FXR1: variants seen among roughly 807,000 people sequenced by gnomAD.
The protein encoded by FXR1 is FMR1 autosomal homolog 1.
In FXR1, 15 loss-of-function variants were observed where a neutral mutation model predicts 84.0. That is an observed-to-expected ratio of 0.18 (90% CI 0.12 to 0.27). FXR1 has a LOEUF of 0.27. Ranked by LOEUF, FXR1 falls within the 10% of genes least tolerant of loss-of-function variation. The probability of loss-of-function intolerance (pLI) is 1.00; values close to 1 mark genes in which losing one functional copy is unlikely to be tolerated. For missense variants in FXR1, 480 were observed against 774.4 expected, an observed-to-expected ratio of 0.62 and a Z score of 4.51; for synonymous variants, 245 against 250.7, an observed-to-expected ratio of 0.98 and a Z score of 0.21.
chr3:180,964,797 T>G (rs1407828597), intron 13 of FXR1, among the ~76,000 whole-genome samples: 2 of 151,318 alleles, frequency 1.3e-5, no homozygotes, highest in African/African-American at 4.9e-5. Context: ...ATTGGACATC[T>G]TACAACTTTA....
chr3:180,957,381 A>G (rs1711507621), intron 9 of FXR1: 1 of 152,568 alleles, frequency 6.6e-6, no homozygotes, highest in Non-Finnish European at 1.5e-5. Flanking sequence ...TCTTGGACCC[A>G]TAGAAACTTG....
chr3:180,972,326 C>T (rs919729511), intron 15 of FXR1, among the ~76,000 whole-genome samples: 3 of 152,032 alleles, frequency 2.0e-5, no homozygotes, highest in Non-Finnish European at 4.4e-5. Context: ...TGTGGTAGTG[C>T]GCACCTGTAG....
At chr3:180,915,554 A>G in intron 1 of FXR1, 3 of 1,346,332 alleles carry the variant, frequency 2.2e-6, no homozygotes, top group Non-Finnish European at 2.1e-6. Context: ...AGCAAAAACT[A>G]GAAGTTGCCT....
chr3:180,970,463 A>T, intron 15 of FXR1, 105 bp downstream of exon 15: 1 of 232,536 alleles, frequency 4.3e-6, no homozygotes, highest in Non-Finnish European at 7.8e-6. Context: ...TTTTCAAAGA[A>T]ATATGCAATT....
At chr3:180,915,026 A>G (rs891415352) in intron 1 of FXR1, 62 of 577,798 alleles carry the variant, frequency 1.1e-4, no homozygotes, top group East Asian at 2.8e-4. Flanking sequence ...TTATCTAACA[A>G]TGGACCCCTG....
chr3:180,941,634 G>A (rs912859808), intron 3 of FXR1, among the ~76,000 whole-genome samples: 4 of 152,138 alleles, frequency 2.6e-5, no homozygotes, highest in African/African-American at 4.8e-5. Flanking sequence ...CAAGACCATT[G>A]TTAGTCTTAC....
At chr3:180,924,843 A>AC (rs1441401998) in intron 1 of FXR1, among the ~76,000 whole-genome samples, 1 of 152,182 alleles carries the variant, frequency 6.6e-6, no homozygotes, top group African/African-American at 2.4e-5. Flanking sequence ...GAGGCACTGT[A>AC]CCATGAAGAA....
rs139008118 is a variant in FXR1 at position 180,948,463 on chromosome 3, C to T, written c.387C>T (p.Cys129=). 3.5e-5 allele frequency: 57 copies of T among 1,607,714 alleles called. No homozygotes were observed. The African/African-American group carries it at 5.5e-4, about 15-fold the overall frequency. The part of the protein sequence containing the change: ...KTVKKNTFFK[C]TVDVPEDLRE... The stretch of plus-strand genomic sequence containing the variant: ...TCAAAAAAAATACCTTCTTTAAATG[C>T]ACAGTGGATGTTCCTGAGGATTTGA... The change falls in exon 5 of 17, where the codon TGC becomes TGT. Residue 129 remains cysteine (C), a synonymous_variant. Transcript: ENST00000357559.
intron 1 of FXR1, among the ~76,000 whole-genome samples, chr3:180,925,128 T>C (rs1023194919): frequency 2.0e-5 from 3 of 152,102 alleles, no homozygotes; most frequent in East Asian, 3.9e-4. Context: ...CTTTGGGGGC[T>C]GAGGTGGGTG....
intron 1 of FXR1, among the ~76,000 whole-genome samples, chr3:180,918,276 A>G (rs1718143254): frequency 6.6e-6 from 1 of 152,030 alleles, no homozygotes; most frequent in Non-Finnish European, 1.5e-5. Flanking sequence ...TTTTCCCAAG[A>G]ACTCTGTGAG....
chr3:180,926,506 A>ATATATATATATTTTTTTTTTTTTT (rs72192827), intron 1 of FXR1, among the ~76,000 whole-genome samples: 14 of 124,358 alleles, frequency 1.1e-4, no homozygotes, highest in African/African-American at 4.1e-4. Context: ...ATATATATAT[A>ATATATATATATTTTTTTTTTTTTT]TTTTTTTTTC....
At chr3:180,941,221 T>C (rs1299900200) in intron 3 of FXR1, among the ~76,000 whole-genome samples, 3 of 151,938 alleles carry the variant, frequency 2.0e-5, no homozygotes, top group African/African-American at 7.3e-5. Flanking sequence ...GACAGGGTCT[T>C]ACTCTGTCAC....
intron 10 of FXR1, among the ~76,000 whole-genome samples, chr3:180,958,819 T>C (rs929330712): frequency 1.3e-5 from 2 of 151,062 alleles, no homozygotes; most frequent in African/African-American, 4.9e-5. Context: ...TTTTTTTTTT[T>C]TTTCCTGGAG....
In FXR1 at chr3:180,977,541, G is replaced by GT. The variant is rs1714351711; in HGVS notation, c.*1251dup. On this transcript the variant is annotated 3_prime_UTR_variant, in exon 17 of 17. Coordinates refer to ENST00000357559, the MANE Select transcript of FXR1 (RefSeq NM_005087.4). ...CTCTCATATCAGTGACCAAAAATCA[G>GT]TTATTAAACTTTATGTATATATTTT... 6.6e-6 allele frequency: 1 copy of GT among 152,032 alleles called. No individual in the cohort carries two copies. Among genetic ancestry groups the GT allele is most frequent in the Non-Finnish European group, 1.5e-5 (1 of 67,954 alleles). The allele number at this position is 152,032 out of a possible 1,614,324, so 9.4% of individuals were successfully genotyped here.
intron 1 of FXR1, among the ~76,000 whole-genome samples, chr3:180,923,574 A>G (rs542151385): frequency 5.5e-4 from 84 of 152,114 alleles, no homozygotes; most frequent in African/African-American, 1.5e-3. Context: ...TAGACAGTCC[A>G]GAAACTTTAT....
intron 1 of FXR1, among the ~76,000 whole-genome samples, chr3:180,917,947 CAAAAA>C (rs757826092): frequency 1.3e-4 from 8 of 60,992 alleles, no homozygotes; most frequent in South Asian, 7.7e-4. Flanking sequence ...ACTCTGTCTC[CAAAAA>C]AAAAAAAAAA....
At chr3:180,939,432 T>C (rs1281936344) in intron 3 of FXR1, among the ~76,000 whole-genome samples, 2 of 152,170 alleles carry the variant, frequency 1.3e-5, no homozygotes, top group African/African-American at 4.8e-5. Context: ...CAGGCTCGAT[T>C]GTTTACTGGT....
At chr3:180,952,508 G>C (rs1393013027) in intron 8 of FXR1, among the ~76,000 whole-genome samples, 1 of 151,834 alleles carries the variant, frequency 6.6e-6, no homozygotes, top group Non-Finnish European at 1.5e-5. Context: ...AGTGAGCTAT[G>C]ATCATGCCAT....
intron 14 of FXR1, 54 bp from the exon 15 acceptor site, chr3:180,970,104 T>G: frequency 1.1e-6 from 1 of 920,332 alleles, no homozygotes; most frequent in South Asian, 1.3e-5. Context: ...AGATCAAACA[T>G]TCATAATTGC....
Sources: gnomAD v4.1 joint callset for allele counts (sites outside exome capture counted in the v4.1 genomes callset) on GRCh38, gnomAD v4.1.1 for gene constraint, MANE v1.5 for transcripts, NCBI Gene and HGNC (gene_info 2026-07-23, HGNC 2026-07-21) for gene names.